Variants in HERC4 observed in about 807,000 individuals in gnomAD.
The protein encoded by HERC4 is probable E3 ubiquitin-protein ligase HERC4.
HERC4 carries 28 observed loss-of-function variants against 124.3 expected under a neutral mutation model. That is an observed-to-expected ratio of 0.23 (90% CI 0.17 to 0.31). The LOEUF is 0.31. Ranked by LOEUF, HERC4 falls within the 10% of genes least tolerant of loss-of-function variation. HERC4 has a pLI of 1.00. For synonymous variants in HERC4, 407 were observed against 421.5 expected (o/e 0.97, Z 0.42); for missense variants, 713 against 1,229.3 (o/e 0.58, Z 6.28).
At chr10:67,986,594 T>C (rs1337803282) in intron 15 of HERC4, among the ~76,000 whole-genome samples, 1 of 152,104 alleles carries the variant, frequency 6.6e-6, no homozygotes, top group Non-Finnish European at 1.5e-5. Context: ...TGACCTCAAG[T>C]GATCCGCTCG....
chr10:67,974,875 A>T (rs1452777187), intron 15 of HERC4, among the ~76,000 whole-genome samples: 1 of 152,102 alleles, frequency 6.6e-6, no homozygotes, highest in Non-Finnish European at 1.5e-5. Flanking sequence ...TTTTCACTAC[A>T]ATGCAGACTC....
intron 7 of HERC4, among the ~76,000 whole-genome samples, chr10:68,027,679 T>C (rs2038974337): frequency 6.6e-6 from 1 of 152,096 alleles, no homozygotes; most frequent in African/African-American, 2.4e-5. Context: ...TCCCAGCACT[T>C]TGGGAGGCTG....
chr10:67,948,313 A>G (rs1441869202), intron 19 of HERC4, among the ~76,000 whole-genome samples: 1 of 152,134 alleles, frequency 6.6e-6, no homozygotes, highest in Non-Finnish European at 1.5e-5. Context: ...AGGAACTCAG[A>G]TAATTATTCA....
intron 15 of HERC4, among the ~76,000 whole-genome samples, chr10:67,969,077 A>G (rs929733851): frequency 1.1e-4 from 16 of 152,240 alleles, no homozygotes; most frequent in South Asian, 2.1e-4. Context: ...CAATGGAATT[A>G]AACTAAAATC....
chr10:67,951,639 G>A (rs139337813), intron 19 of HERC4, among the ~76,000 whole-genome samples: 25 of 152,258 alleles, frequency 1.6e-4, no homozygotes, highest in African/African-American at 6.0e-4. Context: ...CTCACAAATG[G>A]TGTCACTTTT....
At chr10:68,061,879 T>TAAAAAAAAAAAAAAAAA (rs71470503) in intron 3 of HERC4, among the ~76,000 whole-genome samples, 1 of 54,888 alleles carries the variant, frequency 1.8e-5, no homozygotes, top group African/African-American at 8.3e-5. Flanking sequence ...AGACTCCATT[T>TAAAAAAAAAAAAAAAAA]AAAAAAAAAA....
At chr10:67,932,059 G>C (rs906864793) in intron 23 of HERC4, among the ~76,000 whole-genome samples, 1 of 152,150 alleles carries the variant, frequency 6.6e-6, no homozygotes, top group Non-Finnish European at 1.5e-5. Context: ...CCAGGTTCAA[G>C]AGACTCTCCT....
rs757354919 is a variant in HERC4, at chr10:67,925,046, C to T, written c.2941+39G>A. 7 of 1,119,380 alleles carry T rather than the reference C, an allele frequency of 6.3e-6. No homozygotes were observed. In the South Asian group the frequency reaches 9.3e-5, roughly 15 times the overall value. 69.3% of individuals were successfully genotyped at this position (1,119,380 alleles called of 1,614,324 possible). ...TTTGGAATAATACTATAATTAGATT[C>T]CAGTCTCATAAAGTATACAACTAGT... On this transcript the variant is annotated intron_variant, in intron 24 of 24. Transcript: ENST00000373700.
In HERC4 at chr10:67,939,721, G is replaced by GATAT. The variant is rs111550670; in HGVS notation, c.2505-71_2505-68dup. 1.3e-3 allele frequency: 828 copies of GATAT among 634,150 alleles called. 4 individuals are homozygous for GATAT. In the African/African-American group the frequency reaches 0.013, roughly 10 times the overall value. 39.3% of individuals were successfully genotyped at this position (634,150 alleles called of 1,614,324 possible). ...GGATATTTTGACTATTTTACTTATG[G>GATAT]ATATATATATATATATATACTTCTC... On this transcript the variant is annotated intron_variant, in intron 20 of 24. Coordinates refer to ENST00000373700, the MANE Select transcript of HERC4 (RefSeq NM_015601.4).
chr10:68,041,905 T>C (rs1428185199), intron 4 of HERC4, among the ~76,000 whole-genome samples: 2 of 152,248 alleles, frequency 1.3e-5, no homozygotes, highest in Non-Finnish European at 2.9e-5. Context: ...TTCAGTTATA[T>C]CCTATTGTTA....
At position 67,973,880 on chromosome 10, in the gene HERC4, C is replaced by T. The variant is rs182501082; in HGVS notation, c.1807-7078G>A. Reference sequence around the variant, plus strand: ...CATTCAACATGGTGAAACCCCATCTCTACTAAAAATAGAAAAATTAGCTGG... The same window carrying T: ...CATTCAACATGGTGAAACCCCATCTTTACTAAAAATAGAAAAATTAGCTGG... On this transcript the variant is annotated intron_variant, in intron 15 of 24. Coordinates refer to ENST00000373700, the MANE Select transcript of HERC4 (RefSeq NM_015601.4). Among the ~76,000 whole-genome samples the T allele has an allele frequency of 6.8e-4, 104 of 151,986 alleles. 1 individual carries two copies. In the East Asian group the frequency reaches 0.012, roughly 18 times the overall value.
chr10:67,990,268 C>T lies in HERC4; in HGVS notation c.1576G>A (p.Ala526Thr), dbSNP rs770535399. The change falls in exon 14 of 25, where the codon GCA becomes ACA. Residue 526 changes from alanine (A) to threonine (T), a missense_variant. Ala to Thr is a moderately conservative substitution (Grantham distance 58). Coordinates refer to ENST00000373700, the MANE Select transcript of HERC4 (RefSeq NM_015601.4). Reference protein sequence around the residue: ...MSDSNNFTTIAIPFGTALVNL... With the variant: ...MSDSNNFTTITIPFGTALVNL... ...ACAAGAGCTGTACCAAAGGGAATTG[C>T]TATTGTTGTGAAATTGTTGGAATCA... 1 of 1,612,636 alleles carries T rather than the reference C, an allele frequency of 6.2e-7. No individual in the cohort carries two copies. Among genetic ancestry groups the T allele is most frequent in the African/African-American group, 1.3e-5 (1 of 74,948 alleles).
chr10:67,935,271 G>A (rs563646232), intron 22 of HERC4, among the ~76,000 whole-genome samples: 1 of 151,368 alleles, frequency 6.6e-6, no homozygotes, highest in East Asian at 2.0e-4. Context: ...TCAGCCTCCC[G>A]AGTAGCTGGA....
intron 16 of HERC4, chr10:67,961,089 T>C: frequency 4.9e-6 from 1 of 204,040 alleles, no homozygotes; most frequent in Non-Finnish European, 9.7e-6. Context: ...TAACCATTAG[T>C]GGTCTTGACA....
chr10:67,954,673 G>T lies in HERC4; in HGVS notation c.2259C>A (p.Ile753=), dbSNP rs1209802723. The T allele has an allele frequency of 4.3e-6, 7 of 1,613,524 alleles. No individual in the cohort carries two copies. The highest frequency in any genetic ancestry group is 5.9e-6 in the Non-Finnish European group (7 of 1,179,764). The change falls in exon 19 of 25, where the codon ATC becomes ATA. Residue 753 remains isoleucine, a synonymous_variant. Transcript: ENST00000373700. ...ATTTAGGATCCAATAATTCCCTCAT[G>T]ATGAGCAAGAAAAATTCTTTGCGCA... is the stretch of plus-strand genomic sequence containing the variant. ...GGVRKEFFLL[I]MRELLDPKYG...
chr10:67,959,238 C>G, intron 16 of HERC4: 2 of 1,079,244 alleles, frequency 1.9e-6, no homozygotes, highest in Non-Finnish European at 2.7e-6. Context: ...TATTTTGCTA[C>G]AGCAGAATAT....
chr10:67,944,028 G>A (rs2033131044), intron 19 of HERC4, among the ~76,000 whole-genome samples: 1 of 152,246 alleles, frequency 6.6e-6, no homozygotes, highest in South Asian at 2.1e-4. Flanking sequence ...GGAACTCTCT[G>A]CACTGAAGGG....
chr10:68,032,455 C>A (rs774581312), intron 7 of HERC4, among the ~76,000 whole-genome samples: 5 of 152,146 alleles, frequency 3.3e-5, no homozygotes, highest in Non-Finnish European at 7.3e-5. Context: ...ATGCATATAT[C>A]ATGGCAAGCT....
Position 67,960,336 on chromosome 10 carries a change from G to C in HERC4, c.1927-3360C>G, listed in dbSNP as rs116829553. On this transcript the variant is annotated intron_variant, in intron 16 of 24. Coordinates refer to ENST00000373700, the MANE Select transcript of HERC4 (RefSeq NM_015601.4). ...CTCTGCCCTGTGTGTTTCTTCCCTT[G>C]GCTGATTTTTGTTCTCAGATGGAAC... Among the ~76,000 whole-genome samples the C allele has an allele frequency of 3.2e-3, 487 of 152,204 alleles. 4 individuals carry two copies. Among genetic ancestry groups the C allele is most frequent in the African/African-American group, 0.011 (460 of 41,530 alleles).
Sources: gnomAD v4.1 joint callset for allele counts (sites outside exome capture counted in the v4.1 genomes callset) on GRCh38, gnomAD v4.1.1 for gene constraint, MANE v1.5 for transcripts, NCBI Gene and HGNC (gene_info 2026-07-23, HGNC 2026-07-21) for gene names.